Variants in RIC8B observed in about 807,000 individuals in gnomAD.
RIC8B encodes RIC8 guanine nucleotide exchange factor B.
Under a neutral mutation model 57.5 loss-of-function variants are expected in RIC8B, and 16 were observed. The observed-to-expected ratio is 0.28, with a 90% confidence interval of 0.19 to 0.42. The LOEUF is 0.42. Ranked by LOEUF, RIC8B falls within the 10% of genes least tolerant of loss-of-function variation. The pLI, the probability that RIC8B is intolerant of heterozygous loss-of-function variation, is 1.00. For synonymous variants in RIC8B, 216 were observed against 250.8 expected (o/e 0.86, Z 1.31); for missense variants, 481 against 677.0 (o/e 0.71, Z 3.21).
At chr12:106,837,640 T>G (rs1287362191) in intron 4 of RIC8B, among the ~76,000 whole-genome samples, 5 of 86,588 alleles carry the variant, frequency 5.8e-5, no homozygotes, top group East Asian at 2.2e-4. Context: ...AAATCTTTTG[T>G]TTTTTTTTTT....
chr12:106,798,109 G>A (rs897826080), intron 2 of RIC8B: 2 of 713,366 alleles, frequency 2.8e-6, no homozygotes, highest in African/African-American at 1.8e-5. Context: ...GAAGATAGCT[G>A]TGTAGTACTG....
chr12:106,881,305 C>G (rs1453331424), intron 9 of RIC8B, among the ~76,000 whole-genome samples: 1 of 151,640 alleles, frequency 6.6e-6, no homozygotes, highest in African/African-American at 2.4e-5. Context: ...GGTCTCCATT[C>G]AAATCCTCTT....
At chr12:106,775,213 G>C in intron 1 of RIC8B, 1 of 418,684 alleles carries the variant, frequency 2.4e-6, no homozygotes, top group South Asian at 1.8e-5. Context: ...GCATAAACAC[G>C]GCCCTTGACA....
At chr12:106,848,436 T>G (rs1949305656) in intron 6 of RIC8B, among the ~76,000 whole-genome samples, 1 of 152,070 alleles carries the variant, frequency 6.6e-6, no homozygotes, top group Non-Finnish European at 1.5e-5. Flanking sequence ...TGATCTGACT[T>G]TCAAAGGATC....
chr12:106,871,484 A>C (rs1010426523), intron 9 of RIC8B: 4 of 141,792 alleles, frequency 2.8e-5, no homozygotes, highest in African/African-American at 5.4e-5. Context: ...AAAAAAAAAA[A>C]AAAAAAAAAA....
intron 6 of RIC8B, among the ~76,000 whole-genome samples, chr12:106,850,192 C>G (rs1391722588): frequency 6.6e-6 from 1 of 152,166 alleles, no homozygotes; most frequent in Non-Finnish European, 1.5e-5. Context: ...TTGAAACCAC[C>G]CACCAAGCCC....
chr12:106,843,968 A>C (rs754272467), intron 6 of RIC8B, 21 bp downstream of exon 6: 2 of 1,500,396 alleles, frequency 1.3e-6, no homozygotes, highest in Non-Finnish European at 1.9e-6. Context: ...AATGCATATT[A>C]CATTGCAAAG....
intron 6 of RIC8B, among the ~76,000 whole-genome samples, chr12:106,847,168 C>T (rs1056036579): frequency 6.6e-6 from 1 of 151,998 alleles, no homozygotes; most frequent in Non-Finnish European, 1.5e-5. Context: ...CTTATAGAAG[C>T]AATGAGTATT....
Position 106,842,805 on chromosome 12 carries a change from G to A in RIC8B, c.1053G>A (p.Lys351=), listed in dbSNP as rs1444436622. ...AIHVLLNFME[K]RIDKGSSYRE... is the part of the protein sequence containing the mutation. ...ATGTTTTACTGAATTTTATGGAGAA[G>A]AGAATAGACAAGGTAAGGCTGATAA... Residue 351 remains lysine (K), a synonymous_variant, in exon 5 of 10, where the codon AAG becomes AAA. Coordinates refer to ENST00000392837, the MANE Select transcript of RIC8B (RefSeq NM_001330145.2). The A allele has an allele frequency of 1.2e-6, 2 of 1,603,682 alleles. No homozygotes were observed. Among genetic ancestry groups the A allele is most frequent in the East Asian group, 4.5e-5 (2 of 44,816 alleles).
At chr12:106,824,776 G>A (rs1197704109) in intron 3 of RIC8B, among the ~76,000 whole-genome samples, 2 of 151,750 alleles carry the variant, frequency 1.3e-5, no homozygotes, top group African/African-American at 4.8e-5. Context: ...GTGTGGTGGC[G>A]GGCACCTGTA....
rs548687385 is a variant in RIC8B at position 106,826,747 on chromosome 12, T to TC, written c.836+929dup. On this transcript the variant is annotated intron_variant, in intron 4 of 9. Transcript: ENST00000392837. ...TCCTGCCTAGGCAACAGAGTGAGAC[T>TC]CCATCTCAAAAAATTAATTAATTAA... Among the ~76,000 whole-genome samples, 277 of 151,664 alleles carry TC rather than the reference T, an allele frequency of 1.8e-3. 1 individual carries two copies. The highest frequency in any genetic ancestry group is 6.3e-3 in the African/African-American group (263 of 41,502).
intron 7 of RIC8B, among the ~76,000 whole-genome samples, chr12:106,858,367 C>G (rs1271135576): frequency 6.6e-6 from 1 of 152,106 alleles, no homozygotes; most frequent in Admixed American, 6.5e-5. Context: ...CACCTACTAT[C>G]TGTAAGTTAC....
In RIC8B at chr12:106,888,077, T is replaced by C. The variant is rs1951254124; in HGVS notation, c.*2062T>C. 6.6e-6 allele frequency: 1 copy of C among 152,642 alleles called. No individual in the cohort carries two copies. Among genetic ancestry groups the C allele is most frequent in the South Asian group, 2.1e-4 (1 of 4,832 alleles). 9.5% of individuals were successfully genotyped at this position (152,642 alleles called of 1,614,324 possible). A position where few individuals can be genotyped will look rare whatever the true frequency, so the allele number is the denominator to read the frequency against. On this transcript the variant is annotated 3_prime_UTR_variant, in exon 10 of 10. Coordinates refer to ENST00000392837, the MANE Select transcript of RIC8B (RefSeq NM_001330145.2). ...CTACAAATGCATTTTTAAAGTATTTTTATAATTTCTATAATCAAATAGCTT... is the reference window on the plus strand; with the variant it reads ...CTACAAATGCATTTTTAAAGTATTTCTATAATTTCTATAATCAAATAGCTT...
At chr12:106,777,579 T>C (rs1349056097) in intron 1 of RIC8B, among the ~76,000 whole-genome samples, 1 of 152,190 alleles carries the variant, frequency 6.6e-6, no homozygotes, top group African/African-American at 2.4e-5. Context: ...TTATGCTACC[T>C]TATACCTCTA....
Position 106,796,574 on chromosome 12 carries a change from A to G in RIC8B, c.132+12530A>G, listed in dbSNP as rs570751705. ...ATCAAAGACCCAAATGTAAGCATTA[A>G]AGTCATAAAATTCTTAGGAGAAAAC... On this transcript the variant is annotated intron_variant, in intron 2 of 9. Transcript: ENST00000392837. 2.0e-5 allele frequency among the ~76,000 whole-genome samples: 3 copies of G among 152,358 alleles called. No individual in the cohort carries two copies. In the South Asian group the frequency reaches 6.2e-4, roughly 32 times the overall value.
chr12:106,832,167 C>A (rs2046379369), intron 4 of RIC8B, among the ~76,000 whole-genome samples: 1 of 152,178 alleles, frequency 6.6e-6, no homozygotes, highest in Admixed American at 6.5e-5. Context: ...TCCCTCCCAG[C>A]CCCCTGCCAC....
intron 3 of RIC8B, 46 bp downstream of exon 3, chr12:106,815,350 C>G (rs761283342): frequency 2.0e-6 from 3 of 1,533,680 alleles, no homozygotes; most frequent in Non-Finnish European, 2.6e-6. Flanking sequence ...TTTAATTGGT[C>G]TGGGACATCC....
intron 3 of RIC8B, among the ~76,000 whole-genome samples, chr12:106,818,314 G>C (rs892221522): frequency 8.6e-5 from 13 of 151,982 alleles, no homozygotes; most frequent in African/African-American, 2.9e-4. Context: ...TTACAGGCGT[G>C]CGCCACCATG....
intron 4 of RIC8B, among the ~76,000 whole-genome samples, chr12:106,826,670 C>CA (rs1032809686): frequency 6.6e-6 from 1 of 152,200 alleles, no homozygotes; most frequent in Non-Finnish European, 1.5e-5. Context: ...GCAGGAGAAA[C>CA]ACTGAACCTG....
Sources: gnomAD v4.1 joint callset for allele counts (sites outside exome capture counted in the v4.1 genomes callset) on GRCh38, gnomAD v4.1.1 for gene constraint, MANE v1.5 for transcripts, NCBI Gene and HGNC (gene_info 2026-07-23, HGNC 2026-07-21) for gene names.